The following CSMD2 variants were observed in gnomAD, a reference collection of about 807,000 sequenced individuals.
CSMD2 encodes CUB and sushi domain-containing protein 2.
A neutral mutation model predicts 398.5 loss-of-function variants in CSMD2; 130 were observed. The observed-to-expected ratio is 0.33, with a 90% CI of 0.28 to 0.38. The LOEUF (loss-of-function observed/expected upper bound fraction) is 0.38, where lower values mean the gene tolerates loss of function less well. Among genes scored for constraint, CSMD2 ranks in the 10% least tolerant of loss-of-function variants. CSMD2 has a pLI of 1.00. For missense variants in CSMD2, 3,829 were observed against 4,764.9 expected (o/e 0.80, Z 5.78); for synonymous variants, 1,828 against 1,908.5 (o/e 0.96, Z 1.10).
At chr1:34,130,913 G>A (rs567050879) in intron 1 of CSMD2, among the ~76,000 whole-genome samples, 1 of 152,074 alleles carries the variant, frequency 6.6e-6, no homozygotes, top group Admixed American at 6.5e-5. Context: ...AGGACAAACC[G>A]AGACCATCCT....
intron 24 of CSMD2, among the ~76,000 whole-genome samples, chr1:33,695,849 T>G (rs1208612997): frequency 6.6e-6 from 1 of 152,230 alleles, no homozygotes; most frequent in Non-Finnish European, 1.5e-5. Flanking sequence ...AGGACCTGAA[T>G]AAACATCCTC....
chr1:34,146,803 GT>G, intron 1 of CSMD2, among the ~76,000 whole-genome samples: 1 of 152,272 alleles, frequency 6.6e-6, no homozygotes, highest in South Asian at 2.1e-4. Context: ...GTTTCTGGGG[GT>G]GGGAGAGAGT....
chr1:33,974,074 C>T (rs1307265342), intron 3 of CSMD2, among the ~76,000 whole-genome samples: 3 of 152,174 alleles, frequency 2.0e-5, no homozygotes, highest in African/African-American at 7.2e-5. Flanking sequence ...CATTCATTTG[C>T]CTACCTTAAG....
chr1:33,725,340 G>C lies in CSMD2; in HGVS notation c.2695+9C>G. 1 of 1,612,658 alleles carries C rather than the reference G, an allele frequency of 6.2e-7. No homozygotes were observed. The highest frequency in any genetic ancestry group is 8.5e-7 in the Non-Finnish European group (1 of 1,178,970). On this transcript the variant is annotated intron_variant, in intron 17 of 70. Coordinates refer to ENST00000373381, the MANE Select transcript of CSMD2 (RefSeq NM_001281956.2). ...TGTCATCCCTTTTCCTGAGCCCACT[G>C]AGACTCACTCTCATAGCGGAGCTGG...
intron 1 of CSMD2, among the ~76,000 whole-genome samples, chr1:34,089,993 C>T (rs574597679): frequency 1.3e-5 from 2 of 152,298 alleles, no homozygotes; most frequent in Admixed American, 6.5e-5. Flanking sequence ...CACTCTCCAA[C>T]CCTGTCAATT....
chr1:34,059,650 A>G (rs1342196627), intron 2 of CSMD2, among the ~76,000 whole-genome samples: 1 of 152,188 alleles, frequency 6.6e-6, no homozygotes, highest in Non-Finnish European at 1.5e-5. Context: ...TATAATTAAC[A>G]TATTATATGG....
chr1:34,035,690 A>G (rs1413949087), intron 2 of CSMD2, among the ~76,000 whole-genome samples: 1 of 151,894 alleles, frequency 6.6e-6, no homozygotes, highest in East Asian at 1.9e-4. Flanking sequence ...AAAAATTCAG[A>G]AACCTACAAA....
At chr1:33,949,053 T>C (rs898634901) in intron 3 of CSMD2, among the ~76,000 whole-genome samples, 3 of 152,196 alleles carry the variant, frequency 2.0e-5, no homozygotes, top group Admixed American at 6.5e-5. Flanking sequence ...TCTGGGTTCA[T>C]GGTCAAACCC....
At chr1:33,593,002 C>T (rs1035726429) in intron 44 of CSMD2, among the ~76,000 whole-genome samples, 1 of 151,926 alleles carries the variant, frequency 6.6e-6, no homozygotes, top group Non-Finnish European at 1.5e-5. Flanking sequence ...ATCTTAGCAG[C>T]ATTATTCACA....
chr1:34,133,476 C>T (rs926629076), intron 1 of CSMD2, among the ~76,000 whole-genome samples: 1 of 151,816 alleles, frequency 6.6e-6, no homozygotes, highest in Non-Finnish European at 1.5e-5. Flanking sequence ...ACTAAAAATA[C>T]AAAAATTAGC....
In CSMD2 at chr1:33,772,641, C is replaced by T; in HGVS notation, c.1774G>A (p.Glu592Lys). The stretch of plus-strand genomic sequence containing the variant: ...GTGATTGCCTTCTGTCCCACCAGCT[C>T]AAAGGCGGGCTGGCACTCAAACTTG... ...TLKFECQPAF[E>K]LVGQKAITCQ... Residue 592 changes from glutamate (E) to lysine (K), a missense_variant, in exon 13 of 71, where the codon GAG becomes AAG. Transcript: ENST00000373381. The T allele has an allele frequency of 1.9e-6, 3 of 1,614,126 alleles. No homozygotes were observed. The highest frequency in any genetic ancestry group is 2.5e-6 in the Non-Finnish European group (3 of 1,180,012).
intron 4 of CSMD2, among the ~76,000 whole-genome samples, chr1:33,921,996 G>A (rs138907235): frequency 3.9e-5 from 6 of 152,248 alleles, no homozygotes; most frequent in Admixed American, 1.3e-4. Context: ...AGACTGTGGA[G>A]GAATGAGAGG....
At chr1:33,842,538 G>T (rs1660958536) in intron 6 of CSMD2, among the ~76,000 whole-genome samples, 1 of 151,944 alleles carries the variant, frequency 6.6e-6, no homozygotes, top group African/African-American at 2.4e-5. Flanking sequence ...TGGCAGACTT[G>T]CCTCTAGGTT....
intron 10 of CSMD2, among the ~76,000 whole-genome samples, chr1:33,799,459 C>T (rs1027380934): frequency 6.6e-6 from 1 of 152,178 alleles, no homozygotes; most frequent in African/African-American, 2.4e-5. Context: ...TGATCTAGTT[C>T]ATAATTTGGG....
At position 33,743,520 on chromosome 1, in the gene CSMD2, C is replaced by A. The variant is rs763323476; in HGVS notation, c.1933G>T (p.Val645Phe). ...TCAGGCCTGGCCAGGATGAGCCAGACACAGTGGAGGTGGTTGCCATAGTCC... is the reference window on the plus strand; with the variant it reads ...TCAGGCCTGGCCAGGATGAGCCAGAAACAGTGGAGGTGGTTGCCATAGTCC... ...PEDYGNHLHC[V>F]WLILARPESR... The change falls in exon 14 of 71, where the codon GTC becomes TTC. Residue 645 changes from valine (V) to phenylalanine (F), a missense_variant. By Grantham distance (50) the Val-to-Phe change is conservative (BLOSUM62 -1). Coordinates refer to ENST00000373381, the MANE Select transcript of CSMD2 (RefSeq NM_001281956.2). 6.2e-7 allele frequency: 1 copy of A among 1,614,040 alleles called. No individual in the cohort carries two copies. The highest frequency in any genetic ancestry group is 1.1e-5 in the South Asian group (1 of 91,080).
At chr1:33,592,724 C>T (rs541045959) in intron 44 of CSMD2, among the ~76,000 whole-genome samples, 32 of 152,116 alleles carry the variant, frequency 2.1e-4, no homozygotes, top group East Asian at 5.8e-4. Context: ...CCGAGGTGGG[C>T]GGATCACAAG....
intron 39 of CSMD2, among the ~76,000 whole-genome samples, chr1:33,615,834 C>T (rs2148854176): frequency 6.6e-6 from 1 of 152,330 alleles, no homozygotes; most frequent in South Asian, 2.1e-4. Context: ...AGAGAAATGC[C>T]ATCGTGCTTG....
chr1:34,130,029 A>C (rs750262972), intron 1 of CSMD2, among the ~76,000 whole-genome samples: 7 of 152,160 alleles, frequency 4.6e-5, no homozygotes, highest in Non-Finnish European at 1.0e-4. Context: ...TGGGGAGCTC[A>C]AGAAACATTA....
chr1:33,610,473 G>A (rs934005761), intron 41 of CSMD2, among the ~76,000 whole-genome samples: 6 of 150,260 alleles, frequency 4.0e-5, no homozygotes, highest in African/African-American at 1.5e-4. Context: ...AGTGTAGATG[G>A]GGCTCTTTCC....
Sources: gnomAD v4.1 joint callset for allele counts (sites outside exome capture counted in the v4.1 genomes callset) on GRCh38, gnomAD v4.1.1 for gene constraint, MANE v1.5 for transcripts, NCBI Gene and HGNC (gene_info 2026-07-23, HGNC 2026-07-21) for gene names.